Variants in DBT observed in about 807,000 individuals in gnomAD.
DBT encodes the protein dihydrolipoamide branched chain transacylase E2.
In DBT, 40 loss-of-function variants were observed where a neutral mutation model predicts 51.3. The observed-to-expected ratio is 0.78, with a 90% CI of 0.61 to 1.02. DBT has a LOEUF of 1.02. Ranked by LOEUF, DBT falls within the 50% of genes least tolerant of loss-of-function variation. The probability of loss-of-function intolerance (pLI) is 0.00; values close to 1 mark genes in which losing one functional copy is unlikely to be tolerated. For synonymous variants in DBT, 181 were observed against 190.4 expected, an observed-to-expected ratio of 0.95 and a Z score of 0.41; for missense variants, 510 against 580.2, an observed-to-expected ratio of 0.88 and a Z score of 1.24.
At chr1:100,217,458 G>A (rs1557949725) in intron 5 of DBT, among the ~76,000 whole-genome samples, 2 of 152,066 alleles carry the variant, frequency 1.3e-5, no homozygotes, top group Non-Finnish European at 2.9e-5. Context: ...ATTTGAATGT[G>A]TATGCATCTT....
intron 8 of DBT, 75 bp from the exon 9 acceptor site, chr1:100,206,711 C>A (rs1014891606): frequency 3.5e-6 from 3 of 858,292 alleles, no homozygotes; most frequent in Non-Finnish European, 6.0e-6. Context: ...ACCTTCACTG[C>A]CATCTAGAAA....
chr1:100,249,643 A>G, intron 1 of DBT, 127 bp downstream of exon 1: 1 of 915,848 alleles, frequency 1.1e-6, no homozygotes, highest in Admixed American at 1.7e-5. Flanking sequence ...TTTTGCATGC[A>G]TCCCTTCACC....
intron 10 of DBT, among the ~76,000 whole-genome samples, chr1:100,202,482 T>A (rs1010022926): frequency 6.6e-6 from 1 of 152,122 alleles, no homozygotes; most frequent in Non-Finnish European, 1.5e-5. Context: ...CACCCCACTG[T>A]CAACATTAGA....
At chr1:100,236,967 G>T (rs1183869499) in intron 2 of DBT, among the ~76,000 whole-genome samples, 1 of 152,168 alleles carries the variant, frequency 6.6e-6, no homozygotes, top group East Asian at 1.9e-4. Flanking sequence ...AGGTGATCAG[G>T]ACCCAGTGGT....
In DBT at chr1:100,231,992, G is replaced by A. The variant is rs146334450; in HGVS notation, c.252-1078C>T. On this transcript the variant is annotated intron_variant, in intron 3 of 10. Transcript: ENST00000370132. ...CCCGGAGAAACTGGCACTACAGATG[G>A]TCTCTGACTTTTATATCTTTTCAAC... Among the ~76,000 whole-genome samples the A allele has an allele frequency of 7.2e-5, 11 of 152,274 alleles. No homozygotes were observed. The East Asian group carries it at 2.1e-3, about 29-fold the overall frequency.
intron 8 of DBT, among the ~76,000 whole-genome samples, chr1:100,208,789 T>G (rs1463440693): frequency 6.7e-6 from 1 of 149,744 alleles, no homozygotes; most frequent in African/African-American, 2.5e-5. Flanking sequence ...GTGCCTATAG[T>G]CCCAGCTACT....
In DBT at chr1:100,210,779, A is replaced by G. The variant is rs1384562614; in HGVS notation, c.940-8T>C. On this transcript the variant is annotated splice_region_variant and splice_polypyrimidine_tract_variant and intron_variant, in intron 7 of 10. Coordinates refer to ENST00000370132, the MANE Select transcript of DBT (RefSeq NM_001918.5). ...TAATCCCAAGGAAGCAGCCTGTTTA[A>G]CAGAAAAAGAATGCAATTTTAGTAC... The G allele has an allele frequency of 1.2e-6, 2 of 1,613,510 alleles. No homozygotes were observed. The highest frequency in any genetic ancestry group is 1.3e-5 in the African/African-American group (1 of 75,038).
chr1:100,221,972 T>A lies in DBT; in HGVS notation c.434-3225A>T, dbSNP rs1367468626. On this transcript the variant is annotated intron_variant, in intron 4 of 10. Coordinates refer to ENST00000370132, the MANE Select transcript of DBT (RefSeq NM_001918.5). ...TTTGAAATACTAAAGTATTCAAGTG[T>A]GTTTGGAAGACCTTTCTTCATAGCA... 4.6e-5 allele frequency among the ~76,000 whole-genome samples: 7 copies of A among 152,336 alleles called. No individual in the cohort carries two copies. In the South Asian group the frequency reaches 1.4e-3, roughly 32 times the overall value.
At chr1:100,235,294 T>A in intron 3 of DBT, 142 bp downstream of exon 3, 1 of 561,620 alleles carries the variant, frequency 1.8e-6, no homozygotes, top group South Asian at 2.3e-5. Context: ...TTATTGCTTT[T>A]AAAAATGCAT....
Position 100,208,084 on chromosome 1 carries a change from G to A in DBT, c.1018-1448C>T, listed in dbSNP as rs147907047. Reference sequence around the variant, plus strand: ...CAGGAGGCAGAGTTTGCAGTGAGCCGAGATCGCAGCACTGCACTCCAGCCT... The same window carrying A: ...CAGGAGGCAGAGTTTGCAGTGAGCCAAGATCGCAGCACTGCACTCCAGCCT... On this transcript the variant is annotated intron_variant, in intron 8 of 10. Transcript: ENST00000370132. Among the ~76,000 whole-genome samples, 748 of 152,036 alleles carry A rather than the reference G, an allele frequency of 4.9e-3. 7 individuals carry two copies. Among genetic ancestry groups the A allele is most frequent in the African/African-American group, 0.018 (733 of 41,482 alleles).
At chr1:100,249,562 C>T (rs1161116517) in intron 1 of DBT, among the ~76,000 whole-genome samples, 3 of 152,186 alleles carry the variant, frequency 2.0e-5, no homozygotes, top group Non-Finnish European at 2.9e-5. Context: ...GCTGCAGAAG[C>T]GCTTCCAGGT....
rs184827726 is a variant in DBT, at chr1:100,226,583, C to G, written c.433+4150G>C. On this transcript the variant is annotated intron_variant, in intron 4 of 10. Transcript: ENST00000370132. Reference sequence around the variant, plus strand: ...TACTGGCGTGAGCCACTGTGCCTAGCCAATAATGTCTTTCAAAAGAAATTT... The same window carrying G: ...TACTGGCGTGAGCCACTGTGCCTAGGCAATAATGTCTTTCAAAAGAAATTT... 2.2e-3 allele frequency among the ~76,000 whole-genome samples: 330 copies of G among 152,204 alleles called. 4 individuals carry two copies. The highest frequency in any genetic ancestry group is 7.7e-3 in the African/African-American group (321 of 41,522).
intron 4 of DBT, among the ~76,000 whole-genome samples, chr1:100,225,832 A>AAAG (rs1663165717): frequency 6.6e-6 from 1 of 150,928 alleles, no homozygotes; most frequent in African/African-American, 2.4e-5. Context: ...CTCACAAAAA[A>AAAG]AAAAAAAAAA....
rs1429333341 is a variant in DBT, at chr1:100,187,164, T to C, written c.*9091A>G. On this transcript the variant is annotated 3_prime_UTR_variant, in exon 11 of 11. Transcript: ENST00000370132. ...CATATGAAATATATCACCTAAGCAG[T>C]AGTAATCAGAATATTCTGCAAACTT... 2 of 152,194 alleles carry C rather than the reference T, an allele frequency of 1.3e-5. No homozygotes were observed. The highest frequency in any genetic ancestry group is 4.8e-5 in the African/African-American group (2 of 41,462). 9.4% of individuals were successfully genotyped at this position (152,194 alleles called of 1,614,324 possible).
chr1:100,202,590 C>T (rs557290517), intron 10 of DBT, among the ~76,000 whole-genome samples: 1 of 152,184 alleles, frequency 6.6e-6, no homozygotes, highest in Non-Finnish European at 1.5e-5. Flanking sequence ...TAATAGACAT[C>T]GACAGAACTC....
chr1:100,229,570 G>GA (rs1018793345), intron 4 of DBT, among the ~76,000 whole-genome samples: 2 of 151,684 alleles, frequency 1.3e-5, no homozygotes, highest in African/African-American at 4.8e-5. Flanking sequence ...TGTGATTCTG[G>GA]AAAAAAAAGA....
chr1:100,237,878 C>G (rs1361353367), intron 2 of DBT, among the ~76,000 whole-genome samples: 4 of 152,088 alleles, frequency 2.6e-5, no homozygotes, highest in Non-Finnish European at 5.9e-5. Context: ...TGGCCTCAAG[C>G]AAGCCTCCTG....
intron 1 of DBT, among the ~76,000 whole-genome samples, chr1:100,245,813 G>C (rs1664498584): frequency 6.6e-6 from 1 of 152,074 alleles, no homozygotes; most frequent in African/African-American, 2.4e-5. Context: ...TTAGTTGGCT[G>C]TGGTGGTGAA....
chr1:100,226,193 A>T (rs1663194151), intron 4 of DBT, among the ~76,000 whole-genome samples: 1 of 152,080 alleles, frequency 6.6e-6, no homozygotes, highest in Non-Finnish European at 1.5e-5. Context: ...TTCCTTTCTA[A>T]ATCTGAATCC....
Sources: allele counts gnomAD v4.1 joint callset (sites outside exome capture counted in the v4.1 genomes callset), GRCh38; gene constraint gnomAD v4.1.1; transcripts MANE v1.5; gene names NCBI Gene and HGNC (gene_info 2026-07-23, HGNC 2026-07-21).